Variants in VIPR2 observed in about 807,000 individuals in gnomAD.
VIPR2 encodes the protein vasoactive intestinal polypeptide receptor 2.
VIPR2 carries 48 observed loss-of-function variants against 58.0 expected under a neutral mutation model. The ratio of observed to expected loss-of-function variants is 0.83; its 90% CI spans 0.66 to 1.05. The LOEUF (loss-of-function observed/expected upper bound fraction) is 1.05. Among genes scored for constraint, VIPR2 ranks in the 50% least tolerant of loss-of-function variants. VIPR2 has a pLI of 0.00. For synonymous variants in VIPR2, 243 were observed against 235.2 expected, an observed-to-expected ratio of 1.03 and a Z score of -0.30; for missense variants, 534 against 558.0, an observed-to-expected ratio of 0.96 and a Z score of 0.43.
At position 159,030,436 on chromosome 7, in the gene VIPR2, T is replaced by C; in HGVS notation, c.*180A>G. On this transcript the variant is annotated 3_prime_UTR_variant, in exon 13 of 13. Coordinates refer to ENST00000262178, the MANE Select transcript of VIPR2 (RefSeq NM_003382.5). ...AATGCTGGAGTTTAAATCGAGTCAA[T>C]GACAACACGACTCCAATTCCAGGTA... 1.6e-6 allele frequency: 1 copy of C among 628,764 alleles called. No individual in the cohort carries two copies. The highest frequency in any genetic ancestry group is 3.1e-5 in the South Asian group (1 of 32,354). 38.9% of individuals were successfully genotyped at this position (628,764 alleles called of 1,614,324 possible).
At chr7:159,134,716 G>T (rs1797124439) in intron 2 of VIPR2, among the ~76,000 whole-genome samples, 1 of 151,526 alleles carries the variant, frequency 6.6e-6, no homozygotes, top group South Asian at 2.1e-4. Flanking sequence ...GGAGTACAGT[G>T]GGGCCATCTC....
At chr7:159,069,280 A>T (rs73730139) in intron 4 of VIPR2, among the ~76,000 whole-genome samples, 1 of 151,924 alleles carries the variant, frequency 6.6e-6, no homozygotes, top group African/African-American at 2.4e-5. Context: ...TACCTTCTCC[A>T]GGCGCTCCGA....
At chr7:159,030,928 GA>G in intron 12 of VIPR2, 139 bp from the exon 13 acceptor site, 3 of 1,202,908 alleles carry the variant, frequency 2.5e-6, no homozygotes, top group Non-Finnish European at 3.3e-6. Flanking sequence ...GACAGAAACA[GA>G]AACGGCCTTG....
intron 8 of VIPR2, among the ~76,000 whole-genome samples, chr7:159,035,546 C>T (rs1004275281): frequency 3.3e-5 from 5 of 152,242 alleles, no homozygotes; most frequent in African/African-American, 1.2e-4. Flanking sequence ...CTCTGGGCCG[C>T]ATGAGCCAAG....
Position 159,128,676 on chromosome 7 carries a change from G to A in VIPR2, c.151+13770C>T, listed in dbSNP as rs1041058607. On this transcript the variant is annotated intron_variant, in intron 2 of 12. Transcript: ENST00000262178. The surrounding 1 kb of genome is among the most constrained non-coding windows in gnomAD (Gnocchi z 4.1). Reference sequence around the variant, plus strand: ...AGGGCATCTCCATCTCCCACCTGGAGGAACTCGATCAATGAGTTTCCTCAT... The same window carrying A: ...AGGGCATCTCCATCTCCCACCTGGAAGAACTCGATCAATGAGTTTCCTCAT... 4.6e-5 allele frequency among the ~76,000 whole-genome samples: 7 copies of A among 152,206 alleles called. No homozygotes were observed. The highest frequency in any genetic ancestry group is 7.3e-5 in the Non-Finnish European group (5 of 68,040).
chr7:159,077,809 T>C (rs1362056829), intron 4 of VIPR2, among the ~76,000 whole-genome samples: 1 of 152,230 alleles, frequency 6.6e-6, no homozygotes, highest in Non-Finnish European at 1.5e-5. Context: ...GGTGTACCTG[T>C]TATCAGATTC....
chr7:159,124,767 G>T (rs1219712912), intron 2 of VIPR2, among the ~76,000 whole-genome samples: 1 of 152,170 alleles, frequency 6.6e-6, no homozygotes, highest in Non-Finnish European at 1.5e-5. Flanking sequence ...CTATCCATGA[G>T]CAGGGGATGT....
intron 1 of VIPR2, chr7:159,144,504 C>A: frequency 6.5e-7 from 1 of 1,531,434 alleles, no homozygotes; most frequent in Non-Finnish European, 8.8e-7. Context: ...CAGGCAGCCT[C>A]CCAACCCGAG....
intron 2 of VIPR2, among the ~76,000 whole-genome samples, chr7:159,123,869 T>A (rs1796561164): frequency 6.6e-6 from 1 of 152,244 alleles, no homozygotes; most frequent in Admixed American, 6.5e-5. Flanking sequence ...TGGTATCTCA[T>A]AATGGTATGG....
intron 5 of VIPR2, among the ~76,000 whole-genome samples, chr7:159,051,816 A>G (rs1855023120): frequency 6.6e-6 from 1 of 152,218 alleles, no homozygotes; most frequent in Non-Finnish European, 1.5e-5. Context: ...TCCTAATGAC[A>G]TAGCCTTAAA....
chr7:159,074,346 C>T (rs1254890077), intron 4 of VIPR2, among the ~76,000 whole-genome samples: 1 of 152,206 alleles, frequency 6.6e-6, no homozygotes, highest in Non-Finnish European at 1.5e-5. Flanking sequence ...GTGTGAAAGA[C>T]TCAGCTTGCT....
At chr7:159,047,061 CCT>C (rs1227742121) in intron 5 of VIPR2, among the ~76,000 whole-genome samples, 2 of 152,064 alleles carry the variant, frequency 1.3e-5, no homozygotes, top group Non-Finnish European at 1.5e-5. Flanking sequence ...AAGGTGAAAC[CCT>C]GTCTCTACTA....
chr7:159,046,797 TG>T (rs1854678810), intron 5 of VIPR2, among the ~76,000 whole-genome samples: 1 of 152,224 alleles, frequency 6.6e-6, no homozygotes, highest in Non-Finnish European at 1.5e-5. Context: ...AAATAATTTT[TG>T]TCCAAAAGGA....
intron 2 of VIPR2, among the ~76,000 whole-genome samples, chr7:159,115,536 C>G (rs1326415032): frequency 6.6e-6 from 1 of 152,258 alleles, no homozygotes; most frequent in Admixed American, 6.5e-5. Context: ...AGCCTCTCAC[C>G]CAAAGTCATG....
At chr7:159,056,674 G>C (rs565390241) in intron 5 of VIPR2, among the ~76,000 whole-genome samples, 4 of 152,288 alleles carry the variant, frequency 2.6e-5, no homozygotes, top group African/African-American at 9.6e-5. Flanking sequence ...GCTACTGAAG[G>C]CTTTCTTGGC....
At chr7:159,033,104 A>G (rs1273619263) in intron 10 of VIPR2, among the ~76,000 whole-genome samples, 1 of 152,214 alleles carries the variant, frequency 6.6e-6, no homozygotes, top group African/African-American at 2.4e-5. Flanking sequence ...TATCCGGCAA[A>G]TATAGACTGC....
intron 4 of VIPR2, among the ~76,000 whole-genome samples, chr7:159,075,211 C>T (rs1856576578): frequency 6.6e-6 from 1 of 152,134 alleles, no homozygotes. Context: ...AATGGCCTAC[C>T]CTCAGCTCAG....
Position 159,030,384 on chromosome 7 carries a change from G to A in VIPR2, c.*232C>T, listed in dbSNP as rs950340318. On this transcript the variant is annotated 3_prime_UTR_variant, in exon 13 of 13. Transcript: ENST00000262178. The stretch of plus-strand genomic sequence containing the variant: ...AAAAAAGTGGATCCACTATACGGCT[G>A]AAACACATTTTGCACAAGATTATCT... 44 of 429,986 alleles carry A rather than the reference G, an allele frequency of 1.0e-4. No homozygotes were observed. The highest frequency in any genetic ancestry group is 6.7e-4 in the African/African-American group (32 of 48,076). The allele number at this position is 429,986 out of a possible 1,614,324, so 26.6% of individuals were successfully genotyped here. A position where few individuals can be genotyped will look rare whatever the true frequency, so the allele number is the denominator to read the frequency against.
chr7:159,125,318 G>A (rs963439023), intron 2 of VIPR2, among the ~76,000 whole-genome samples: 9 of 152,296 alleles, frequency 5.9e-5, no homozygotes, highest in Admixed American at 3.3e-4. Flanking sequence ...TCCAGTTGGC[G>A]TCCATGCCTA....
Sources: allele counts gnomAD v4.1 joint callset (sites outside exome capture counted in the v4.1 genomes callset), GRCh38; gene constraint gnomAD v4.1.1; non-coding constraint Gnocchi (gnomAD v3.1); transcripts MANE v1.5; gene names NCBI Gene and HGNC (gene_info 2026-07-23, HGNC 2026-07-21).